ZNF385B: variants seen among roughly 807,000 people sequenced by gnomAD.
ZNF385B encodes the protein zinc finger protein 385B.
Under a neutral mutation model 39.2 loss-of-function variants are expected in ZNF385B, and 23 were observed. The observed-to-expected ratio is 0.59, with a 90% CI of 0.42 to 0.83. The LOEUF is 0.83. Among genes scored for constraint, ZNF385B ranks in the 40% least tolerant of loss-of-function variants. The pLI, the probability that ZNF385B is intolerant of heterozygous loss-of-function variation, is 0.00. For missense variants in ZNF385B, 552 were observed against 598.9 expected (o/e 0.92, Z 0.82); for synonymous variants, 205 against 222.6 (o/e 0.92, Z 0.70).
At chr2:179,454,325 A>G (rs1200349837) in intron 6 of ZNF385B, among the ~76,000 whole-genome samples, 1 of 152,210 alleles carries the variant, frequency 6.6e-6, no homozygotes, top group Admixed American at 6.5e-5. Context: ...CACATTACTC[A>G]TGTGCTTATG....
At chr2:179,725,928 A>G (rs932830597) in intron 3 of ZNF385B, among the ~76,000 whole-genome samples, 1 of 142,768 alleles carries the variant, frequency 7.0e-6, no homozygotes, top group African/African-American at 2.7e-5. Flanking sequence ...ATATATATAT[A>G]TATATGTGTA....
chr2:179,487,867 G>A (rs553116413), intron 5 of ZNF385B, among the ~76,000 whole-genome samples: 2 of 152,230 alleles, frequency 1.3e-5, no homozygotes, highest in South Asian at 4.2e-4. Flanking sequence ...CAGCATATAG[G>A]TTCTTCTCTG....
rs190760510 is a variant in ZNF385B at position 179,788,092 on chromosome 2, A to G, written c.-154-17420T>C. Among the ~76,000 whole-genome samples the G allele has an allele frequency of 9.3e-4, 142 of 152,326 alleles. 2 individuals are homozygous for G. The highest frequency in any genetic ancestry group is 9.6e-4 in the East Asian group (5 of 5,192). ...TTTCTGATAAGCTTCTTCAGGTCAA[A>G]AAGTGTAACTTATGACACTAACGTG... On this transcript the variant is annotated intron_variant, in intron 1 of 9. Transcript: ENST00000410066.
At chr2:179,459,973 A>G (rs751523548) in intron 6 of ZNF385B, among the ~76,000 whole-genome samples, 4 of 151,866 alleles carry the variant, frequency 2.6e-5, no homozygotes, top group Non-Finnish European at 4.4e-5. Flanking sequence ...GCATGGTGGC[A>G]CGTGCCTGTA....
At chr2:179,810,724 A>C (rs1215327342) in intron 1 of ZNF385B, among the ~76,000 whole-genome samples, 1 of 152,200 alleles carries the variant, frequency 6.6e-6, no homozygotes, top group East Asian at 1.9e-4. Context: ...CTGGTGTAAA[A>C]GTCAATTTTG....
intron 3 of ZNF385B, among the ~76,000 whole-genome samples, chr2:179,710,071 G>C (rs1699891997): frequency 6.6e-6 from 1 of 152,178 alleles, no homozygotes; most frequent in Non-Finnish European, 1.5e-5. Flanking sequence ...CAGTGGGGCT[G>C]ATTGAATGGA....
chr2:179,588,868 A>G (rs1223251477), intron 3 of ZNF385B, among the ~76,000 whole-genome samples: 1 of 152,180 alleles, frequency 6.6e-6, no homozygotes, highest in African/African-American at 2.4e-5. Context: ...GCGGCTATAC[A>G]CAGAAGGCAA....
chr2:179,592,362 A>C (rs1205412265), intron 3 of ZNF385B, among the ~76,000 whole-genome samples: 2 of 152,232 alleles, frequency 1.3e-5, no homozygotes, highest in Non-Finnish European at 2.9e-5. Context: ...ACTGTAATTT[A>C]ATAGCCTCAG....
chr2:179,447,864 T>C (rs2049661698), intron 6 of ZNF385B, among the ~76,000 whole-genome samples: 1 of 152,150 alleles, frequency 6.6e-6, no homozygotes, highest in South Asian at 2.1e-4. Context: ...GTTCTGTATA[T>C]GGGTAAACCT....
chr2:179,752,176 C>A (rs571199432), intron 3 of ZNF385B, among the ~76,000 whole-genome samples: 1 of 152,028 alleles, frequency 6.6e-6, no homozygotes, highest in African/African-American at 2.4e-5. Context: ...TGAGTGAGAA[C>A]ACGTGGTGTT....
intron 1 of ZNF385B, among the ~76,000 whole-genome samples, chr2:179,795,027 A>C (rs951584477): frequency 3.3e-5 from 5 of 152,160 alleles, no homozygotes; most frequent in African/African-American, 9.6e-5. Flanking sequence ...TCTTGCATTA[A>C]AGGATTCTGG....
chr2:179,855,382 T>C (rs1056062432), intron 1 of ZNF385B, among the ~76,000 whole-genome samples: 27 of 152,216 alleles, frequency 1.8e-4, no homozygotes, highest in Admixed American at 1.4e-3. Flanking sequence ...GTCCATGAAT[T>C]TCAATCTTTT....
chr2:179,513,032 G>T (rs1050209591), intron 5 of ZNF385B, among the ~76,000 whole-genome samples: 3 of 152,212 alleles, frequency 2.0e-5, no homozygotes, highest in East Asian at 1.9e-4. Flanking sequence ...ATTTTATATG[G>T]ATAATGAAGA....
chr2:179,668,836 G>A (rs1475159213), intron 3 of ZNF385B, among the ~76,000 whole-genome samples: 2 of 152,090 alleles, frequency 1.3e-5, no homozygotes, highest in Admixed American at 6.6e-5. Flanking sequence ...GCAATGGCTT[G>A]GAGCCATCTG....
intron 3 of ZNF385B, among the ~76,000 whole-genome samples, chr2:179,622,014 C>T (rs1227516716): frequency 1.3e-5 from 2 of 152,120 alleles, no homozygotes; most frequent in African/African-American, 2.4e-5. Context: ...TTTATCTCTT[C>T]CACTGTATAC....
Position 179,641,535 on chromosome 2 carries a change from G to A in ZNF385B, c.299-96566C>T, listed in dbSNP as rs188803863. On this transcript the variant is annotated intron_variant, in intron 3 of 9. Transcript: ENST00000410066. ...GTAGGACTTTTCTTGAAGCAGAAATGGACTCTTGGAAATTACCATTTTATA... is the reference window on the plus strand; with the variant it reads ...GTAGGACTTTTCTTGAAGCAGAAATAGACTCTTGGAAATTACCATTTTATA... 7.9e-4 allele frequency among the ~76,000 whole-genome samples: 120 copies of A among 151,996 alleles called. 2 individuals carry two copies. The highest frequency in any genetic ancestry group is 2.8e-3 in the African/African-American group (117 of 41,476).
At chr2:179,758,921 T>G (rs1303239090) in intron 3 of ZNF385B, among the ~76,000 whole-genome samples, 1 of 152,210 alleles carries the variant, frequency 6.6e-6, no homozygotes, top group Non-Finnish European at 1.5e-5. Context: ...TGTTTTAAAA[T>G]TTTTTCTGAA....
intron 6 of ZNF385B, among the ~76,000 whole-genome samples, chr2:179,459,476 G>A (rs961468165): frequency 1.1e-4 from 17 of 151,930 alleles, no homozygotes; most frequent in African/African-American, 4.1e-4. Flanking sequence ...AACAACTACT[G>A]ATTGAGCACC....
chr2:179,562,321 A>G (rs1310815986), intron 3 of ZNF385B: 1 of 897,724 alleles, frequency 1.1e-6, no homozygotes, highest in Non-Finnish European at 1.3e-6. Context: ...AATTCATTTG[A>G]CCTGTTTTAT....
Sources: allele counts gnomAD v4.1 joint callset (sites outside exome capture counted in the v4.1 genomes callset), GRCh38; gene constraint gnomAD v4.1.1; transcripts MANE v1.5; gene names NCBI Gene and HGNC (gene_info 2026-07-23, HGNC 2026-07-21).